The following VTI1A variants were observed in gnomAD, a reference collection of about 807,000 sequenced individuals.
VTI1A encodes the protein vesicle transport through interaction with t-SNAREs homolog 1A.
A neutral mutation model predicts 34.9 loss-of-function variants in VTI1A; 22 were observed. The ratio of observed to expected loss-of-function variants is 0.63; its 90% confidence interval spans 0.45 to 0.90. The LOEUF is 0.90. Among genes scored for constraint, VTI1A ranks in the 40% least tolerant of loss-of-function variants. The pLI, the probability that VTI1A is intolerant of heterozygous loss-of-function variation, is 0.00. For synonymous variants in VTI1A, 87 were observed against 97.3 expected (o/e 0.89, Z 0.62); for missense variants, 268 against 275.6 (o/e 0.97, Z 0.20).
intron 7 of VTI1A, among the ~76,000 whole-genome samples, chr10:112,702,048 G>A (rs1250706465): frequency 6.6e-6 from 1 of 152,180 alleles, no homozygotes; most frequent in Non-Finnish European, 1.5e-5. Context: ...AAGTCCATGA[G>A]TCAGGACCCC....
At chr10:112,703,424 A>G (rs1291724382) in intron 7 of VTI1A, among the ~76,000 whole-genome samples, 1 of 152,076 alleles carries the variant, frequency 6.6e-6, no homozygotes, top group Non-Finnish European at 1.5e-5. Flanking sequence ...AAAATTAGCC[A>G]GGCATGGTGG....
At chr10:112,481,090 C>T (rs984557195) in intron 3 of VTI1A, among the ~76,000 whole-genome samples, 3 of 152,094 alleles carry the variant, frequency 2.0e-5, no homozygotes, top group Non-Finnish European at 4.4e-5. Context: ...TAATGAAGCA[C>T]CTGAAACAAT....
At chr10:112,457,959 G>A (rs1464267823) in intron 1 of VTI1A, among the ~76,000 whole-genome samples, 1 of 152,160 alleles carries the variant, frequency 6.6e-6, no homozygotes, top group Middle Eastern at 3.2e-3. Flanking sequence ...TTGGGCAAAG[G>A]AAGGGTTATT....
chr10:112,846,167 A>G, the VTI1A span, among the ~76,000 whole-genome samples: 1 of 152,146 alleles, frequency 6.6e-6, no homozygotes, highest in Non-Finnish European at 1.5e-5. Context: ...CCTGTTCACC[A>G]TTTATTTTGG....
intron 4 of VTI1A, among the ~76,000 whole-genome samples, chr10:112,535,640 G>A (rs764320650): frequency 1.6e-4 from 24 of 152,112 alleles, no homozygotes; most frequent in African/African-American, 3.1e-4. Flanking sequence ...TCCACATTGC[G>A]CAGCTCCTCA....
intron 3 of VTI1A, among the ~76,000 whole-genome samples, chr10:112,519,152 A>G (rs950122857): frequency 6.6e-6 from 1 of 152,128 alleles, no homozygotes; most frequent in African/African-American, 2.4e-5. Flanking sequence ...CCAGGAAAAT[A>G]GGTTATAAAA....
At chr10:112,491,607 T>A (rs2134126082) in intron 3 of VTI1A, among the ~76,000 whole-genome samples, 1 of 152,312 alleles carries the variant, frequency 6.6e-6, no homozygotes, top group South Asian at 2.1e-4. Context: ...TTCTTTAATC[T>A]AATAGCTCCA....
intron 7 of VTI1A, among the ~76,000 whole-genome samples, chr10:112,764,060 C>T (rs376500197): frequency 8.5e-5 from 13 of 152,310 alleles, no homozygotes; most frequent in Admixed American, 3.3e-4. Context: ...ATGACTGTCT[C>T]CCACATCCCT....
At chr10:112,508,601 C>G (rs555780548) in intron 3 of VTI1A, among the ~76,000 whole-genome samples, 8 of 152,240 alleles carry the variant, frequency 5.3e-5, no homozygotes, top group African/African-American at 1.9e-4. Context: ...TTTTTATTTC[C>G]TCTAAGCAGA....
chr10:112,830,986 A>G, the VTI1A span, among the ~76,000 whole-genome samples: 1 of 150,478 alleles, frequency 6.6e-6, no homozygotes, highest in Non-Finnish European at 1.5e-5. Flanking sequence ...AGAAGCTGAG[A>G]CCACCGGCAC....
chr10:112,479,946 A>G (rs1178177410), intron 3 of VTI1A, among the ~76,000 whole-genome samples: 2 of 152,000 alleles, frequency 1.3e-5, no homozygotes, highest in African/African-American at 4.8e-5. Flanking sequence ...TGACTCAATT[A>G]TTGAATCTTC....
At chr10:112,687,219 CTTTTTTTTTTTT>C (rs71303594) in intron 7 of VTI1A, among the ~76,000 whole-genome samples, 5 of 84,566 alleles carry the variant, frequency 5.9e-5, no homozygotes, top group Non-Finnish European at 1.1e-4. Context: ...CATACTACAA[CTTTTTTTTTTTT>C]TTTTTTTTTT....
chr10:112,661,764 GTTTTTTTTTT>G (rs34974968), intron 5 of VTI1A, among the ~76,000 whole-genome samples: 1 of 105,960 alleles, frequency 9.4e-6, no homozygotes. Flanking sequence ...CTGCTGTTAA[GTTTTTTTTTT>G]TTTTTTTTTT....
At chr10:112,535,607 T>C (rs1343492642) in intron 4 of VTI1A, among the ~76,000 whole-genome samples, 1 of 152,092 alleles carries the variant, frequency 6.6e-6, no homozygotes, top group Non-Finnish European at 1.5e-5. Flanking sequence ...CCGAGCTCCG[T>C]TTGAATCCTA....
chr10:112,470,819 G>A (rs1430611885), intron 3 of VTI1A, among the ~76,000 whole-genome samples: 1 of 152,126 alleles, frequency 6.6e-6, no homozygotes, highest in Non-Finnish European at 1.5e-5. Flanking sequence ...CCAGGAGGCC[G>A]AAGTTGCAGT....
chr10:112,760,025 G>C (rs978961487), intron 7 of VTI1A, among the ~76,000 whole-genome samples: 10 of 152,152 alleles, frequency 6.6e-5, no homozygotes, highest in Non-Finnish European at 1.5e-4. Context: ...TCTCAGCCTG[G>C]GTTGCAAATA....
At chr10:112,572,701 G>A (rs1028568398) in intron 5 of VTI1A, among the ~76,000 whole-genome samples, 3 of 150,408 alleles carry the variant, frequency 2.0e-5, no homozygotes, top group Non-Finnish European at 2.9e-5. Flanking sequence ...AGCCGGGCGC[G>A]GTGGCGGGCG....
intron 3 of VTI1A, among the ~76,000 whole-genome samples, chr10:112,518,729 A>C (rs1286822679): frequency 6.6e-6 from 1 of 151,326 alleles, no homozygotes; most frequent in Non-Finnish European, 1.5e-5. Flanking sequence ...AAAAGTGTTG[A>C]TATACCTACC....
chr10:112,524,296 A>G (rs1850139137), intron 3 of VTI1A, among the ~76,000 whole-genome samples: 1 of 152,108 alleles, frequency 6.6e-6, no homozygotes, highest in Non-Finnish European at 1.5e-5. Context: ...TTTTGTTTGG[A>G]AAATGAAACT....
Sources: gnomAD v4.1 joint callset for allele counts (sites outside exome capture counted in the v4.1 genomes callset) on GRCh38, gnomAD v4.1.1 for gene constraint, MANE v1.5 for transcripts, NCBI Gene and HGNC (gene_info 2026-07-23, HGNC 2026-07-21) for gene names.